TLL1: variants seen among roughly 807,000 people sequenced by gnomAD.
TLL1 encodes the protein tolloid like 1.
A neutral mutation model predicts 128.2 loss-of-function variants in TLL1; 49 were observed. That is an observed-to-expected ratio of 0.38 (90% CI 0.30 to 0.48). The LOEUF (loss-of-function observed/expected upper bound fraction) is 0.48. TLL1 is among the 20% of genes least tolerant of loss of function. The pLI is 0.96. For missense variants in TLL1, 1,123 were observed against 1,242.0 expected, an observed-to-expected ratio of 0.90 and a Z score of 1.44; for synonymous variants, 454 against 418.8, an observed-to-expected ratio of 1.08 and a Z score of -1.03.
intron 9 of TLL1, among the ~76,000 whole-genome samples, chr4:166,033,367 A>G (rs1738859643): frequency 7.0e-6 from 1 of 143,368 alleles, no homozygotes; most frequent in Admixed American, 6.9e-5. Context: ...AGTTAGTGGT[A>G]TGAGAAGTTC....
At chr4:165,974,152 T>TTTTTTTG (rs1735765041) in intron 1 of TLL1, among the ~76,000 whole-genome samples, 1 of 116,130 alleles carries the variant, frequency 8.6e-6, no homozygotes, top group Non-Finnish European at 1.6e-5. Context: ...TTTTTTTTTT[T>TTTTTTTG]TTTTTTGAGA....
In TLL1 at chr4:166,036,418, G is replaced by A. The variant is rs548607340; in HGVS notation, c.1159-2921G>A. Among the ~76,000 whole-genome samples the A allele has an allele frequency of 7.2e-5, 11 of 152,118 alleles. No individual in the cohort carries two copies. The South Asian group carries it at 8.3e-4, about 11-fold the overall frequency. On this transcript the variant is annotated intron_variant, in intron 9 of 20. Transcript: ENST00000061240. ...ATTTTGAGTTGTTACTTATACTTACGTCAAAAATAAAATATTTATATAGTT... is the reference window on the plus strand; with the variant it reads ...ATTTTGAGTTGTTACTTATACTTACATCAAAAATAAAATATTTATATAGTT...
intron 1 of TLL1, among the ~76,000 whole-genome samples, chr4:165,931,220 A>G (rs2110905428): frequency 1.3e-5 from 2 of 152,356 alleles, no homozygotes; most frequent in African/African-American, 4.8e-5. Context: ...ACTATATTCC[A>G]TAATTAAAGC....
intron 1 of TLL1, among the ~76,000 whole-genome samples, chr4:165,893,985 G>A (rs958609276): frequency 1.3e-5 from 2 of 152,060 alleles, no homozygotes; most frequent in Non-Finnish European, 2.9e-5. Flanking sequence ...TAGTATTACA[G>A]CGTTATTTTA....
At chr4:165,889,321 T>A (rs1045744140) in intron 1 of TLL1, among the ~76,000 whole-genome samples, 2 of 152,216 alleles carry the variant, frequency 1.3e-5, no homozygotes, top group Non-Finnish European at 2.9e-5. Context: ...ACATGGGGAT[T>A]TTATAATAAT....
chr4:166,056,972 A>G (rs1211167631), intron 13 of TLL1, among the ~76,000 whole-genome samples: 5 of 152,126 alleles, frequency 3.3e-5, no homozygotes, highest in African/African-American at 4.8e-5. Context: ...TTTTAGAAAG[A>G]TTTACGCCCT....
At chr4:165,946,995 T>C (rs1490388651) in intron 1 of TLL1, among the ~76,000 whole-genome samples, 2 of 152,114 alleles carry the variant, frequency 1.3e-5, no homozygotes, top group Non-Finnish European at 2.9e-5. Flanking sequence ...GATATTAAGA[T>C]TTCCAAGCAA....
chr4:165,914,908 C>G (rs545987715), intron 1 of TLL1, among the ~76,000 whole-genome samples: 13 of 152,272 alleles, frequency 8.5e-5, no homozygotes, highest in Non-Finnish European at 1.8e-4. Context: ...GACATCAGAT[C>G]GGTACTTCTA....
At chr4:166,005,016 G>A (rs904451377) in intron 6 of TLL1, among the ~76,000 whole-genome samples, 6 of 151,956 alleles carry the variant, frequency 3.9e-5, no homozygotes, top group Admixed American at 1.3e-4. Flanking sequence ...AGGTGACTAA[G>A]TTCTTAGGGT....
chr4:165,956,134 A>G (rs1349456698), intron 1 of TLL1, among the ~76,000 whole-genome samples: 1 of 146,476 alleles, frequency 6.8e-6, no homozygotes. Context: ...GCAAAAGCAG[A>G]ACTACTGACA....
At chr4:165,938,726 G>C (rs1490595017) in intron 1 of TLL1, among the ~76,000 whole-genome samples, 1 of 150,760 alleles carries the variant, frequency 6.6e-6, no homozygotes, top group Non-Finnish European at 1.5e-5. Context: ...CCTACCTTTG[G>C]CTCCTGCCAA....
chr4:165,912,777 C>A (rs1057350312), intron 1 of TLL1, among the ~76,000 whole-genome samples: 1 of 152,032 alleles, frequency 6.6e-6, no homozygotes, highest in Non-Finnish European at 1.5e-5. Flanking sequence ...AACAAGACTG[C>A]ATTCTATTCC....
At chr4:165,998,733 C>T (rs1240558126) in intron 5 of TLL1, among the ~76,000 whole-genome samples, 2 of 151,364 alleles carry the variant, frequency 1.3e-5, no homozygotes, top group Non-Finnish European at 2.9e-5. Flanking sequence ...GGAGGCGGAG[C>T]TTGCAGTGAG....
chr4:165,994,503 A>G lies in TLL1; in HGVS notation c.484A>G (p.Ile162Val), dbSNP rs752989197. The change falls in exon 4 of 21, where the codon ATT becomes GTT. Residue 162 changes from isoleucine (I) to valine (V), a missense_variant. Ile to Val is a conservative substitution (Grantham distance 29, BLOSUM62 3). This residue lies in a region of TLL1 where 480 missense variants were observed against 542.4 expected (regional missense o/e 0.89). Transcript: ENST00000061240. ...RTERIWPGGVIPYVIGGNFTG... is the reference protein window; with the variant it reads ...RTERIWPGGVVPYVIGGNFTG... The stretch of plus-strand genomic sequence containing the variant: ...GGAAAGAATATGGCCTGGAGGCGTT[A>G]TTCCTTATGTTATAGGAGGAAACTT... The G allele has an allele frequency of 2.4e-5, 38 of 1,613,922 alleles. No individual in the cohort carries two copies. The highest frequency in any genetic ancestry group is 3.3e-5 in the Admixed American group (2 of 59,996).
rs185499691 is a variant in TLL1 at position 165,877,801 on chromosome 4, T to C, written c.169+3728T>C. ...TCTTTTTTTTTTTTCTTTTTTTGTA[T>C]TTACGGGAATATTAAGAAAGCTCAG... On this transcript the variant is annotated intron_variant, in intron 1 of 20. Coordinates refer to ENST00000061240, the MANE Select transcript of TLL1 (RefSeq NM_012464.5). Among the ~76,000 whole-genome samples, 446 of 152,000 alleles carry C rather than the reference T, an allele frequency of 2.9e-3. 3 individuals carry two copies. The highest frequency in any genetic ancestry group is 9.0e-3 in the African/African-American group (374 of 41,502).
At chr4:165,987,288 T>A (rs1736432355) in intron 1 of TLL1, among the ~76,000 whole-genome samples, 2 of 152,110 alleles carry the variant, frequency 1.3e-5, no homozygotes, top group Admixed American at 1.3e-4. Flanking sequence ...CCTTACAGTC[T>A]TAAAAAGTGT....
intron 18 of TLL1, among the ~76,000 whole-genome samples, chr4:166,090,010 C>G (rs1194657117): frequency 1.3e-5 from 2 of 151,988 alleles, no homozygotes; most frequent in Admixed American, 1.3e-4. Context: ...AATTTTTAGT[C>G]TCTTTTGTTT....
chr4:166,091,236 A>T lies in TLL1; in HGVS notation c.2551A>T (p.Asn851Tyr), dbSNP rs781335769. The change falls in exon 19 of 21, where the codon AAC becomes TAC. Residue 851 changes from asparagine to tyrosine, a missense_variant. By Grantham distance (143) the Asn-to-Tyr change is moderately radical. Coordinates refer to ENST00000061240, the MANE Select transcript of TLL1 (RefSeq NM_012464.5). ...ACCGATTCTTGGACGACTGTGTGGC[A>T]ACAAGATACCAGATCCCCTTGTGGC... ...KSPILGRLCGNKIPDPLVATG... is the reference protein window; with the variant it reads ...KSPILGRLCGYKIPDPLVATG... The T allele has an allele frequency of 4.3e-6, 7 of 1,613,192 alleles. No homozygotes were observed. The East Asian group carries it at 1.6e-4, about 36-fold the overall frequency.
In TLL1 at chr4:165,928,351, T is replaced by G. The variant is rs1354650547; in HGVS notation, c.169+54278T>G. ...CATGTAAACAGAAATAACCATACAC[T>G]GTTATAATAGTTCTAATGAAAGTTC... On this transcript the variant is annotated intron_variant, in intron 1 of 20. Coordinates refer to ENST00000061240, the MANE Select transcript of TLL1 (RefSeq NM_012464.5). Among the ~76,000 whole-genome samples the G allele has an allele frequency of 1.3e-5, 2 of 152,066 alleles. 1 individual carries two copies. The highest frequency in any genetic ancestry group is 3.9e-4 in the East Asian group (2 of 5,182).
Sources: gnomAD v4.1 joint callset for allele counts (sites outside exome capture counted in the v4.1 genomes callset) on GRCh38, gnomAD v4.1.1 for gene constraint, gnomAD v4.1.1 regional missense constraint, MANE v1.5 for transcripts, NCBI Gene and HGNC (gene_info 2026-07-23, HGNC 2026-07-21) for gene names.